Variants in MAD1L1 observed in about 807,000 individuals in gnomAD.
The protein encoded by MAD1L1 is mitotic arrest deficient 1 like 1.
MAD1L1 carries 95 observed loss-of-function variants against 96.9 expected under a neutral mutation model. The observed-to-expected ratio is 0.98, with a 90% confidence interval of 0.83 to 1.16. MAD1L1 has a LOEUF of 1.16. Ranked by LOEUF, MAD1L1 falls within the 50% of genes most tolerant of loss-of-function variation. MAD1L1 has a pLI of 0.00. For missense variants in MAD1L1, 1,007 were observed against 954.4 expected (o/e 1.06, Z -0.73); for synonymous variants, 473 against 396.6 (o/e 1.19, Z -2.29).
intron 11 of MAD1L1, among the ~76,000 whole-genome samples, chr7:2,077,198 C>T (rs906404079): frequency 2.0e-5 from 3 of 152,178 alleles, no homozygotes; most frequent in Non-Finnish European, 4.4e-5. Flanking sequence ...GCCGCATGCA[C>T]GGTGATCCTC....
Position 1,959,828 on chromosome 7 carries a change from C to T in MAD1L1, c.1506-2109G>A, listed in dbSNP as rs558486687. ...CAGGTGAGGGAGGACGAGGGCGGGG[C>T]GGGGCAAATACACCCAGATCTGCAC... On this transcript the variant is annotated intron_variant, in intron 15 of 18. Coordinates refer to ENST00000265854, the MANE Select transcript of MAD1L1 (RefSeq NM_001013836.2). 5.9e-5 allele frequency among the ~76,000 whole-genome samples: 9 copies of T among 151,334 alleles called. 1 individual carries two copies. The highest frequency in any genetic ancestry group is 1.5e-4 in the African/African-American group (6 of 41,238).
intron 10 of MAD1L1, among the ~76,000 whole-genome samples, chr7:2,185,026 T>G (rs1791391868): frequency 6.6e-6 from 1 of 151,866 alleles, no homozygotes. Flanking sequence ...ATAATAAAAA[T>G]AAAATGTAAT....
intron 18 of MAD1L1, among the ~76,000 whole-genome samples, chr7:1,824,372 C>T (rs990443954): frequency 2.6e-5 from 4 of 152,174 alleles, no homozygotes; most frequent in African/African-American, 7.2e-5. Context: ...CTGGTCTGCA[C>T]GCTGGGCATT....
intron 18 of MAD1L1, among the ~76,000 whole-genome samples, chr7:1,876,598 T>C (rs1785397985): frequency 6.6e-6 from 1 of 152,080 alleles, no homozygotes; most frequent in Non-Finnish European, 1.5e-5. Context: ...CAGGGACTTC[T>C]CGATGCTGTT....
intron 15 of MAD1L1, among the ~76,000 whole-genome samples, chr7:1,961,863 C>T (rs966346208): frequency 2.0e-5 from 3 of 151,966 alleles, no homozygotes; most frequent in African/African-American, 7.3e-5. Context: ...ATACCATTCT[C>T]GTGTGTTGTG....
intron 12 of MAD1L1, among the ~76,000 whole-genome samples, chr7:2,059,356 G>A (rs1472112583): frequency 6.7e-6 from 1 of 150,118 alleles, no homozygotes; most frequent in Non-Finnish European, 1.5e-5. Flanking sequence ...AGAGGCATGG[G>A]GCTGGAGAGG....
intron 11 of MAD1L1, among the ~76,000 whole-genome samples, chr7:2,124,424 G>A (rs1355891555): frequency 6.6e-6 from 1 of 152,236 alleles, no homozygotes. Flanking sequence ...CAGAGAGTAA[G>A]AAGACCTGGG....
chr7:2,010,245 G>A (rs4721303), intron 13 of MAD1L1, among the ~76,000 whole-genome samples: 6,543 of 151,866 alleles, frequency 0.043, 228 homozygotes, highest in African/African-American at 0.088. Context: ...AACCACCCAC[G>A]GCAGCCAAGT....
At chr7:2,161,458 C>G (rs1790119912) in intron 10 of MAD1L1, among the ~76,000 whole-genome samples, 1 of 152,084 alleles carries the variant, frequency 6.6e-6, no homozygotes, top group Non-Finnish European at 1.5e-5. Context: ...CTCGCTACAA[C>G]CTTCACCTCC....
chr7:1,921,945 T>C (rs1245087712), intron 17 of MAD1L1, among the ~76,000 whole-genome samples: 3 of 152,350 alleles, frequency 2.0e-5, no homozygotes, highest in Middle Eastern at 3.4e-3. Flanking sequence ...GAATTATTTA[T>C]CAAATCACTA....
chr7:2,085,420 C>T (rs73032324), intron 11 of MAD1L1, among the ~76,000 whole-genome samples: 4,210 of 152,316 alleles, frequency 0.028, 99 homozygotes, highest in South Asian at 0.089. Context: ...TGCCTGCAGC[C>T]GCCATTGCCT....
intron 10 of MAD1L1, among the ~76,000 whole-genome samples, chr7:2,158,707 A>G (rs1789959525): frequency 6.6e-6 from 1 of 152,208 alleles, no homozygotes; most frequent in African/African-American, 2.4e-5. Flanking sequence ...ATGCAACACA[A>G]TTGTGTGGAA....
At chr7:1,953,705 C>T (rs1195710515) in intron 16 of MAD1L1, among the ~76,000 whole-genome samples, 2 of 152,228 alleles carry the variant, frequency 1.3e-5, no homozygotes, top group Admixed American at 6.5e-5. Flanking sequence ...GCCTTGGTGG[C>T]GGGTGACCAG....
At chr7:2,096,584 G>T (rs189305048) in intron 11 of MAD1L1, among the ~76,000 whole-genome samples, 173 of 152,256 alleles carry the variant, frequency 1.1e-3, no homozygotes, top group African/African-American at 4.1e-3. Context: ...TCTCCAAGGG[G>T]CATCTGAATT....
At chr7:2,020,322 C>A (rs1229345204) in intron 12 of MAD1L1, among the ~76,000 whole-genome samples, 1 of 152,194 alleles carries the variant, frequency 6.6e-6, no homozygotes. Context: ...GATTGCTATC[C>A]ACAGCCCCAG....
intron 11 of MAD1L1, among the ~76,000 whole-genome samples, chr7:2,070,468 G>A (rs1449801860): frequency 6.6e-6 from 1 of 152,090 alleles, no homozygotes; most frequent in Non-Finnish European, 1.5e-5. Context: ...GGAGAGTCAG[G>A]ACTCCACAGT....
At chr7:2,212,654 G>A (rs763936250) in intron 10 of MAD1L1, among the ~76,000 whole-genome samples, 3 of 152,144 alleles carry the variant, frequency 2.0e-5, no homozygotes, top group Non-Finnish European at 4.4e-5. Context: ...CGCCATGACT[G>A]AAAGCTCCCT....
In MAD1L1 at chr7:2,103,678, C is replaced by A. The variant is rs937820762; in HGVS notation, c.1074-34340G>T. Among the ~76,000 whole-genome samples the A allele has an allele frequency of 6.6e-6, 1 of 152,272 alleles. No homozygotes were observed. On this transcript the variant is annotated intron_variant, in intron 11 of 18. Coordinates refer to ENST00000265854, the MANE Select transcript of MAD1L1 (RefSeq NM_001013836.2). This position sits in a 1 kb window ranked among gnomAD's most constrained non-coding sequence, Gnocchi z 4.3. ...CCCACAGGGGAGAAGGAGGGAGCGG[C>A]CACGAGGAGGAGCCAGGGAGGCGGC...
intron 18 of MAD1L1, among the ~76,000 whole-genome samples, chr7:1,862,796 G>C (rs1784594847): frequency 6.6e-6 from 1 of 152,224 alleles, no homozygotes; most frequent in African/African-American, 2.4e-5. Context: ...GCTATAAATA[G>C]AGTGACGATG....
Sources: gnomAD v4.1 joint callset for allele counts (sites outside exome capture counted in the v4.1 genomes callset) on GRCh38, gnomAD v4.1.1 for gene constraint, Gnocchi (gnomAD v3.1) non-coding constraint, MANE v1.5 for transcripts, NCBI Gene and HGNC (gene_info 2026-07-23, HGNC 2026-07-21) for gene names.